DLGAP2: variants seen among roughly 807,000 people sequenced by gnomAD.
The protein encoded by DLGAP2 is DLG associated protein 2.
Under a neutral mutation model 100.3 loss-of-function variants are expected in DLGAP2, and 26 were observed. That is an observed-to-expected ratio of 0.26 (90% CI 0.19 to 0.36). DLGAP2 has a LOEUF of 0.36. DLGAP2 is among the 10% of genes least tolerant of loss of function. The pLI, the probability that DLGAP2 is intolerant of heterozygous loss-of-function variation, is 1.00. For missense variants in DLGAP2, 1,858 were observed against 1,453.2 expected (o/e 1.28, Z -4.53); for synonymous variants, 886 against 630.1 (o/e 1.41, Z -6.08).
In DLGAP2 at chr8:1,063,266, C is replaced by G. The variant is rs532498724; in HGVS notation, c.73+155300C>G. On this transcript the variant is annotated intron_variant, in intron 2 of 14. Coordinates refer to ENST00000637795, the MANE Select transcript of DLGAP2 (RefSeq NM_001346810.2). ...TTTAGCTGACCAAGTGGACTGTCCT[C>G]TGTTCTGTCTGAAGAGACAGTGTTT... Among the ~76,000 whole-genome samples, 19 of 152,358 alleles carry G rather than the reference C, an allele frequency of 1.2e-4. 2 individuals carry two copies. The South Asian group carries it at 3.5e-3, about 28-fold the overall frequency.
intron 2 of DLGAP2, among the ~76,000 whole-genome samples, chr8:1,103,356 G>A (rs553603557): frequency 7.9e-5 from 12 of 152,112 alleles, no homozygotes; most frequent in South Asian, 6.3e-4. Flanking sequence ...CTTGGTTAAC[G>A]GTGATGACTG....
intron 1 of DLGAP2, among the ~76,000 whole-genome samples, chr8:828,667 A>G (rs550407754): frequency 6.6e-6 from 1 of 152,360 alleles, no homozygotes; most frequent in Admixed American, 6.5e-5. Flanking sequence ...AAAGACAGGC[A>G]TAGGAAATCA....
intron 3 of DLGAP2, among the ~76,000 whole-genome samples, chr8:1,295,349 C>T (rs192119173): frequency 5.1e-4 from 77 of 152,348 alleles, no homozygotes; most frequent in Middle Eastern, 3.4e-3. Context: ...ACCGTGGGCC[C>T]GGAGTCCCAG....
intron 3 of DLGAP2, among the ~76,000 whole-genome samples, chr8:1,276,835 C>T (rs990397292): frequency 3.3e-5 from 5 of 152,032 alleles, no homozygotes; most frequent in South Asian, 2.1e-4. Flanking sequence ...GATGGGAAGA[C>T]GTTATCATTT....
At chr8:1,199,273 T>G (rs1407985586) in intron 2 of DLGAP2, among the ~76,000 whole-genome samples, 1 of 152,230 alleles carries the variant, frequency 6.6e-6, no homozygotes, top group Non-Finnish European at 1.5e-5. Context: ...AAGACTCTGC[T>G]TCACTCAACA....
intron 4 of DLGAP2, among the ~76,000 whole-genome samples, chr8:1,532,459 A>G (rs1584897926): frequency 6.6e-6 from 1 of 152,314 alleles, no homozygotes; most frequent in South Asian, 2.1e-4. Context: ...ATCCTTCTGC[A>G]GTGTCTTTGT....
intron 1 of DLGAP2, among the ~76,000 whole-genome samples, chr8:842,686 C>G (rs1797004722): frequency 6.6e-6 from 1 of 152,094 alleles, no homozygotes. Context: ...ATTATCTGTT[C>G]TTTCTGTTTT....
In DLGAP2 at chr8:1,689,217, G is replaced by A. The variant is rs141890287; in HGVS notation, c.2705-2318G>A. 5.0e-3 allele frequency among the ~76,000 whole-genome samples: 764 copies of A among 152,290 alleles called. 10 individuals are homozygous for A. Among genetic ancestry groups the A allele is most frequent in the African/African-American group, 0.017 (724 of 41,560 alleles). On this transcript the variant is annotated intron_variant, in intron 12 of 14. Coordinates refer to ENST00000637795, the MANE Select transcript of DLGAP2 (RefSeq NM_001346810.2). ...CAGGTGTGCCCTGGGAGCCAGCAGG[G>A]GCATCTCCTAAACGTAGAAAGAAAC...
chr8:1,577,241 C>T (rs796237576), intron 6 of DLGAP2, among the ~76,000 whole-genome samples: 26 of 151,984 alleles, frequency 1.7e-4, no homozygotes, highest in African/African-American at 5.6e-4. Context: ...TTTTTAACCC[C>T]GTAAATACAC....
chr8:1,153,012 A>T (rs867707466), intron 2 of DLGAP2, among the ~76,000 whole-genome samples: 21 of 152,328 alleles, frequency 1.4e-4, no homozygotes, highest in African/African-American at 4.3e-4. Context: ...TTTAAAATGA[A>T]ACTTACCTCC....
intron 8 of DLGAP2, among the ~76,000 whole-genome samples, chr8:1,660,734 A>T (rs1194707053): frequency 1.3e-5 from 2 of 152,198 alleles, no homozygotes; most frequent in African/African-American, 4.8e-5. Context: ...AAAATATCCT[A>T]CCAGGACACA....
intron 3 of DLGAP2, chr8:1,297,283 C>A (rs114866489): frequency 6.6e-6 from 1 of 152,218 alleles, no homozygotes; most frequent in African/African-American, 2.4e-5. Flanking sequence ...TGTAAACGTA[C>A]GTCAGAAAAA....
intron 3 of DLGAP2, among the ~76,000 whole-genome samples, chr8:1,408,041 A>G (rs1796621692): frequency 6.6e-6 from 1 of 152,222 alleles, no homozygotes. Context: ...CAGGACAACC[A>G]AAAATGCCTC....
chr8:1,263,616 C>G (rs1651825092), intron 3 of DLGAP2, among the ~76,000 whole-genome samples: 1 of 152,150 alleles, frequency 6.6e-6, no homozygotes, highest in South Asian at 2.1e-4. Flanking sequence ...AATGCAGTCT[C>G]CTTAGTGGGT....
chr8:1,332,863 C>A (rs560951335), intron 3 of DLGAP2, among the ~76,000 whole-genome samples: 1 of 152,304 alleles, frequency 6.6e-6, no homozygotes, highest in Non-Finnish European at 1.5e-5. Flanking sequence ...TTGCTGGGTG[C>A]AGCAGACACG....
At chr8:1,509,522 A>G (rs1267840880) in intron 4 of DLGAP2, among the ~76,000 whole-genome samples, 1 of 151,924 alleles carries the variant, frequency 6.6e-6, no homozygotes, top group Non-Finnish European at 1.5e-5. Flanking sequence ...AATACCTTGC[A>G]GCCATCAGGG....
chr8:1,212,887 T>A (rs1186901479), intron 2 of DLGAP2, among the ~76,000 whole-genome samples: 3 of 151,810 alleles, frequency 2.0e-5, no homozygotes. Flanking sequence ...TCTTAGTTTA[T>A]ACAACTCTTC....
chr8:915,336 A>G (rs1238778584), intron 2 of DLGAP2, among the ~76,000 whole-genome samples: 3 of 152,170 alleles, frequency 2.0e-5, no homozygotes, highest in Non-Finnish European at 2.9e-5. Context: ...TCACAAGGTC[A>G]GGAGATCGGG....
chr8:1,251,873 T>G (rs1799048366), intron 2 of DLGAP2, among the ~76,000 whole-genome samples: 1 of 152,246 alleles, frequency 6.6e-6, no homozygotes, highest in Non-Finnish European at 1.5e-5. Context: ...TGTCTTAGGG[T>G]CATGTGTCCT....
Sources: gnomAD v4.1 joint callset for allele counts (sites outside exome capture counted in the v4.1 genomes callset) on GRCh38, gnomAD v4.1.1 for gene constraint, MANE v1.5 for transcripts, NCBI Gene and HGNC (gene_info 2026-07-23, HGNC 2026-07-21) for gene names.